Variants in MOB4 observed in about 807,000 individuals in gnomAD.
MOB4 encodes the protein MOB family member 4, phocein.
MOB4 carries 4 observed loss-of-function variants against 32.2 expected under a neutral mutation model. The observed-to-expected ratio is 0.12, with a 90% CI of 0.06 to 0.28. The LOEUF (loss-of-function observed/expected upper bound fraction) is 0.28, where lower values mean the gene tolerates loss of function less well. Among genes scored for constraint, MOB4 ranks in the 10% least tolerant of loss-of-function variants. The probability of loss-of-function intolerance (pLI) is 1.00; values close to 1 mark genes in which losing one functional copy is unlikely to be tolerated. For missense variants in MOB4, 158 were observed against 271.2 expected (o/e 0.58, Z 2.93); for synonymous variants, 88 against 88.1 (o/e 1.00, Z 0.01).
chr2:197,550,752 G>C lies in MOB4; in HGVS notation c.*106G>C. The C allele has an allele frequency of 7.4e-7, 1 of 1,359,318 alleles. No homozygotes were observed. The highest frequency in any genetic ancestry group is 9.6e-7 in the Non-Finnish European group (1 of 1,044,298). The allele number at this position is 1,359,318 out of a possible 1,614,324, so 84.2% of individuals were successfully genotyped here. Reference sequence around the variant, plus strand: ...ATCCATATTATAGCTTCTTTGTTTAGTATAGGTTTTTGTATGCTGGGTTTG... The same window carrying C: ...ATCCATATTATAGCTTCTTTGTTTACTATAGGTTTTTGTATGCTGGGTTTG... On this transcript the variant is annotated 3_prime_UTR_variant, in exon 8 of 8. Coordinates refer to ENST00000323303, the MANE Select transcript of MOB4 (RefSeq NM_015387.5).
At position 197,516,119 on chromosome 2, in the gene MOB4, G is replaced by A. The variant is rs1173071748; in HGVS notation, c.33G>A (p.Arg11=). 3 of 1,604,560 alleles carry A rather than the reference G, an allele frequency of 1.9e-6. No individual in the cohort carries two copies. The highest frequency in any genetic ancestry group is 2.5e-6 in the Non-Finnish European group (3 of 1,176,630). The part of the protein sequence containing the change: MVMAEGTAVL[R]RNRPGTKAQD... ...TGGCGGAGGGGACGGCAGTGCTGAG[G>A]CGGAACAGGCCGGGCACCAAGGCGC... The change falls in exon 1 of 8, where the codon AGG becomes AGA. Residue 11 remains arginine, a synonymous_variant. Transcript: ENST00000323303.
At chr2:197,538,838 T>C (rs1312811593) in intron 3 of MOB4, among the ~76,000 whole-genome samples, 1 of 152,220 alleles carries the variant, frequency 6.6e-6, no homozygotes, top group Non-Finnish European at 1.5e-5. Flanking sequence ...GTCTACTTGA[T>C]AGGGGACAGT....
intron 1 of MOB4, among the ~76,000 whole-genome samples, chr2:197,517,919 C>T (rs1432476533): frequency 6.6e-6 from 1 of 152,142 alleles, no homozygotes; most frequent in African/African-American, 2.4e-5. Flanking sequence ...GCAGGCGGAT[C>T]ATCTGAGTTC....
chr2:197,527,135 A>T (rs766130891), intron 2 of MOB4, among the ~76,000 whole-genome samples: 1 of 152,028 alleles, frequency 6.6e-6, no homozygotes, highest in South Asian at 2.1e-4. Flanking sequence ...TTGCAATTCC[A>T]TATAAATTTG....
rs114816302 is a variant in MOB4 at position 197,539,954 on chromosome 2, C to A, written c.225-157C>A. Among the ~76,000 whole-genome samples the A allele has an allele frequency of 6.7e-4, 102 of 152,190 alleles. 1 individual carries two copies. Among genetic ancestry groups the A allele is most frequent in the African/African-American group, 2.4e-3 (98 of 41,542 alleles). ...GGTTTTCTATTTTTAATCTGTAAGC[C>A]TTTAGAAGAAATGTGTCATTGTCAG... On this transcript the variant is annotated intron_variant, in intron 3 of 7. Transcript: ENST00000323303.
intron 2 of MOB4, 90 bp downstream of exon 2, chr2:197,523,776 C>T: frequency 8.2e-7 from 1 of 1,220,854 alleles, no homozygotes; most frequent in East Asian, 2.6e-5. Flanking sequence ...GGTCACTGTG[C>T]AGCAGTCTGC....
intron 3 of MOB4, among the ~76,000 whole-genome samples, chr2:197,536,716 C>G (rs568336162): frequency 6.7e-6 from 1 of 150,280 alleles, no homozygotes; most frequent in African/African-American, 2.4e-5. Flanking sequence ...ATTCTTCTGC[C>G]TCAGCCTCCC....
chr2:197,531,875 T>C (rs2086712049), intron 2 of MOB4, among the ~76,000 whole-genome samples: 1 of 152,114 alleles, frequency 6.6e-6, no homozygotes, highest in African/African-American at 2.4e-5. Flanking sequence ...TGATAGTTGC[T>C]TTTATTGCAT....
Position 197,550,317 on chromosome 2 carries a change from A to T in MOB4, c.477A>T (p.Val159=). The change falls in exon 7 of 8, where the codon GTA becomes GTT. Residue 159 remains valine (V), a synonymous_variant. Transcript: ENST00000323303. ...CATCTGTAGCGAAACTAGGATCAGT[A>T]TGCCGTAGGATTTACAGAATATTTT... is the stretch of plus-strand genomic sequence containing the variant. The part of the protein sequence containing the change: ...KESSVAKLGS[V]CRRIYRIFSH... 1 of 1,613,762 alleles carries T rather than the reference A, an allele frequency of 6.2e-7. No individual in the cohort carries two copies.
chr2:197,526,309 T>C (rs896639086), intron 2 of MOB4, among the ~76,000 whole-genome samples: 2 of 152,116 alleles, frequency 1.3e-5, no homozygotes, highest in Non-Finnish European at 2.9e-5. Context: ...TGTTTCTTTT[T>C]CTTACTTTTT....
At chr2:197,526,333 T>G (rs1032454236) in intron 2 of MOB4, among the ~76,000 whole-genome samples, 10 of 152,234 alleles carry the variant, frequency 6.6e-5, no homozygotes, top group African/African-American at 2.4e-4. Context: ...TTTTTTTATT[T>G]TTTTGAGACA....
intron 2 of MOB4, 42 bp downstream of exon 2, chr2:197,523,728 A>G: frequency 6.4e-7 from 1 of 1,572,068 alleles, no homozygotes; most frequent in Non-Finnish European, 8.6e-7. Flanking sequence ...CTTTTGGAGT[A>G]CGATGTGTAA....
At chr2:197,515,871 C>T (rs2086399004), upstream of MOB4, 1 of 560,266 alleles carries the variant, frequency 1.8e-6, no homozygotes, top group Admixed American at 3.5e-5. Flanking sequence ...GCCTCAGTCC[C>T]TGCCAGTAGC....
At chr2:197,533,919 G>T in intron 2 of MOB4, 1 of 600,782 alleles carries the variant, frequency 1.7e-6, no homozygotes, top group Non-Finnish European at 3.2e-6. Flanking sequence ...ATAAAATCAG[G>T]TACAACTCTA....
intron 1 of MOB4, among the ~76,000 whole-genome samples, chr2:197,518,520 C>T (rs2086456490): frequency 6.6e-6 from 1 of 151,532 alleles, no homozygotes; most frequent in Admixed American, 6.6e-5. Flanking sequence ...CCTGGGCCTC[C>T]CAAAATGGTG....
chr2:197,528,502 CAT>C (rs1017601791), intron 2 of MOB4, among the ~76,000 whole-genome samples: 3 of 152,004 alleles, frequency 2.0e-5, no homozygotes, highest in African/African-American at 7.2e-5. Flanking sequence ...ACTTGTCAAA[CAT>C]ATTTTAAAGA....
At chr2:197,516,673 C>T (rs765282794) in intron 1 of MOB4, 1 of 471,640 alleles carries the variant, frequency 2.1e-6, no homozygotes, top group East Asian at 6.9e-5. Flanking sequence ...CCTTGTTTCC[C>T]TTTGACCACC....
Position 197,552,880 on chromosome 2 carries a change from TTTTG to T in MOB4, c.*2239_*2242del, listed in dbSNP as rs1432136905. 1 of 152,236 alleles carries T rather than the reference TTTTG, an allele frequency of 6.6e-6. No homozygotes were observed. The highest frequency in any genetic ancestry group is 2.4e-5 in the African/African-American group (1 of 41,446). The allele number at this position is 152,236 out of a possible 1,614,324, so 9.4% of individuals were successfully genotyped here. On this transcript the variant is annotated 3_prime_UTR_variant, in exon 8 of 8. Transcript: ENST00000323303. ...TGTGATAAGGAAGTTAGGCTCCACT[TTTTG>T]TTTGAATTACCCTATGTATATCCGA...
upstream of MOB4, chr2:197,515,970 T>C (rs2086401712): frequency 1.8e-6 from 2 of 1,085,176 alleles, no homozygotes; most frequent in Non-Finnish European, 2.7e-6. Flanking sequence ...AGGCTGCAGC[T>C]GTTCCGTCAG....
Sources: allele counts gnomAD v4.1 joint callset (sites outside exome capture counted in the v4.1 genomes callset), GRCh38; gene constraint gnomAD v4.1.1; transcripts MANE v1.5; gene names NCBI Gene and HGNC (gene_info 2026-07-23, HGNC 2026-07-21).